PRKACB: variants seen among roughly 807,000 people sequenced by gnomAD.
PRKACB encodes protein kinase cAMP-activated catalytic subunit beta.
A neutral mutation model predicts 51.4 loss-of-function variants in PRKACB; 16 were observed. The ratio of observed to expected loss-of-function variants is 0.31; its 90% CI spans 0.21 to 0.47. PRKACB has a LOEUF of 0.47. PRKACB is among the 20% of genes least tolerant of loss of function. PRKACB has a pLI of 1.00. For synonymous variants in PRKACB, 147 were observed against 154.4 expected, an observed-to-expected ratio of 0.95 and a Z score of 0.35; for missense variants, 309 against 464.5, an observed-to-expected ratio of 0.67 and a Z score of 3.08.
chr1:84,133,499 T>C (rs1284894312), intron 1 of PRKACB, among the ~76,000 whole-genome samples: 1 of 152,176 alleles, frequency 6.6e-6, no homozygotes, highest in Admixed American at 6.5e-5. Context: ...AGGAACAACA[T>C]GCTGGGTGAT....
At chr1:84,163,293 G>T (rs1656483606) in intron 1 of PRKACB, among the ~76,000 whole-genome samples, 2 of 152,006 alleles carry the variant, frequency 1.3e-5, no homozygotes, top group Admixed American at 1.3e-4. Flanking sequence ...AGCAAGGTGG[G>T]CAGACTGGGT....
At chr1:84,224,697 C>T (rs967166206) in intron 9 of PRKACB, among the ~76,000 whole-genome samples, 4 of 152,118 alleles carry the variant, frequency 2.6e-5, no homozygotes, top group Non-Finnish European at 5.9e-5. Context: ...CCAAGTGAGG[C>T]AATCCCCAGA....
intron 1 of PRKACB, among the ~76,000 whole-genome samples, chr1:84,115,751 G>T (rs1650581091): frequency 6.6e-6 from 1 of 151,762 alleles, no homozygotes; most frequent in Non-Finnish European, 1.5e-5. Context: ...GCGTGGTGGT[G>T]CATGCCTGTA....
At chr1:84,230,869 C>A (rs1412139096) in intron 9 of PRKACB, among the ~76,000 whole-genome samples, 1 of 143,704 alleles carries the variant, frequency 7.0e-6, no homozygotes, top group Non-Finnish European at 1.5e-5. Context: ...ACAATCATGT[C>A]TGCAAACAGG....
chr1:84,195,038 T>A (rs79607458), intron 5 of PRKACB, among the ~76,000 whole-genome samples: 2,393 of 152,328 alleles, frequency 0.016, 64 homozygotes, highest in African/African-American at 0.054. Context: ...CATTTTACAT[T>A]TACAGATGCA....
upstream of PRKACB, among the ~76,000 whole-genome samples, chr1:84,140,956 A>G (rs924005616): frequency 6.6e-6 from 1 of 152,096 alleles, no homozygotes; most frequent in African/African-American, 2.4e-5. Context: ...TCTCAGGTGC[A>G]TTACAGTAAT....
chr1:84,099,868 G>T (rs1649200273), intron 1 of PRKACB, among the ~76,000 whole-genome samples: 1 of 151,876 alleles, frequency 6.6e-6, no homozygotes, highest in African/African-American at 2.4e-5. Flanking sequence ...TGTTTTTAAG[G>T]GAAATCCTTA....
intron 1 of PRKACB, among the ~76,000 whole-genome samples, chr1:84,160,918 C>T (rs1442821349): frequency 6.6e-6 from 1 of 151,734 alleles, no homozygotes; most frequent in Non-Finnish European, 1.5e-5. Context: ...TGTAGAATAT[C>T]CATGTGTGCT....
intron 1 of PRKACB, among the ~76,000 whole-genome samples, chr1:84,131,359 T>A (rs1020240540): frequency 1.3e-5 from 2 of 150,404 alleles, no homozygotes; most frequent in Admixed American, 6.6e-5. Flanking sequence ...AAAAAAAAAT[T>A]AATTCTAAGT....
At chr1:84,094,338 A>T (rs1311297877) in intron 1 of PRKACB, among the ~76,000 whole-genome samples, 2 of 151,968 alleles carry the variant, frequency 1.3e-5, no homozygotes, top group Non-Finnish European at 2.9e-5. Flanking sequence ...TGAGTTTTGA[A>T]TCTTAAATTA....
intron 1 of PRKACB, among the ~76,000 whole-genome samples, chr1:84,098,793 A>G (rs1649119907): frequency 6.6e-6 from 1 of 152,090 alleles, no homozygotes; most frequent in Non-Finnish European, 1.5e-5. Context: ...GTATAGACAA[A>G]ACGAGAGAGA....
intron 7 of PRKACB, among the ~76,000 whole-genome samples, chr1:84,199,038 C>T (rs1157710201): frequency 1.4e-5 from 2 of 139,448 alleles, no homozygotes; most frequent in East Asian, 2.3e-4. Context: ...CATATATACG[C>T]ATATGTATGC....
intron 9 of PRKACB, among the ~76,000 whole-genome samples, chr1:84,220,038 A>G (rs956879039): frequency 6.6e-6 from 1 of 151,890 alleles, no homozygotes; most frequent in African/African-American, 2.4e-5. Flanking sequence ...ATTTATTTGC[A>G]TAGTTGATCA....
At chr1:84,167,158 A>G (rs1173772696) in intron 1 of PRKACB, among the ~76,000 whole-genome samples, 1 of 151,714 alleles carries the variant, frequency 6.6e-6, no homozygotes, top group Middle Eastern at 3.4e-3. Flanking sequence ...TCCTATTATA[A>G]TAACTGCATT....
At chr1:84,218,759 C>G (rs1046351228) in intron 9 of PRKACB, among the ~76,000 whole-genome samples, 1 of 152,168 alleles carries the variant, frequency 6.6e-6, no homozygotes, top group African/African-American at 2.4e-5. Flanking sequence ...TTTTTACCAA[C>G]AGTGTATAAG....
At chr1:84,180,183 G>GATATATATATATATATAT (rs3051182) in intron 2 of PRKACB, among the ~76,000 whole-genome samples, 3,516 of 31,802 alleles carry the variant, frequency 0.11, 966 homozygotes, top group Middle Eastern at 0.16. Flanking sequence ...AAGAAACTGT[G>GATATATATATATATATAT]ATATATATAT....
At chr1:84,151,344 AT>A (rs1473433202) in intron 1 of PRKACB, among the ~76,000 whole-genome samples, 1 of 152,028 alleles carries the variant, frequency 6.6e-6, no homozygotes, top group African/African-American at 2.4e-5. Context: ...GCATTTCCCA[AT>A]TTTTTTGCTG....
chr1:84,170,302 T>G (rs145250832), intron 1 of PRKACB, among the ~76,000 whole-genome samples: 1 of 151,708 alleles, frequency 6.6e-6, no homozygotes, highest in Admixed American at 6.6e-5. Flanking sequence ...AGTGAAAGCA[T>G]AGATGAGAAA....
intron 1 of PRKACB, among the ~76,000 whole-genome samples, chr1:84,083,379 A>G (rs1373327509): frequency 6.6e-6 from 1 of 152,204 alleles, no homozygotes; most frequent in Non-Finnish European, 1.5e-5. Context: ...TCTCATGTTC[A>G]GGAACCATTT....
Sources: gnomAD v4.1 joint callset for allele counts (sites outside exome capture counted in the v4.1 genomes callset) on GRCh38, gnomAD v4.1.1 for gene constraint, MANE v1.5 for transcripts, NCBI Gene and HGNC (gene_info 2026-07-23, HGNC 2026-07-21) for gene names.